The following CNTN5 variants were observed in gnomAD, a reference collection of about 807,000 sequenced individuals.
CNTN5 encodes the protein contactin-5.
A neutral mutation model predicts 129.1 loss-of-function variants in CNTN5; 77 were observed. The observed-to-expected ratio is 0.60, with a 90% CI of 0.50 to 0.72. The LOEUF is 0.72. Among genes scored for constraint, CNTN5 ranks in the 30% least tolerant of loss-of-function variants. The probability of loss-of-function intolerance (pLI) is 0.00; values close to 1 mark genes in which losing one functional copy is unlikely to be tolerated. For missense variants in CNTN5, 1,478 were observed against 1,328.8 expected (o/e 1.11, Z -1.75); for synonymous variants, 509 against 465.6 (o/e 1.09, Z -1.20).
At chr11:99,966,327 G>A (rs974564378) in intron 8 of CNTN5, among the ~76,000 whole-genome samples, 1 of 152,172 alleles carries the variant, frequency 6.6e-6, no homozygotes, top group Non-Finnish European at 1.5e-5. Flanking sequence ...AAAATTGCTT[G>A]TAGGTAGTTT....
At chr11:99,406,999 G>A (rs971190636) in intron 2 of CNTN5, among the ~76,000 whole-genome samples, 14 of 151,824 alleles carry the variant, frequency 9.2e-5, no homozygotes, top group African/African-American at 3.4e-4. Flanking sequence ...CAATAGCCAT[G>A]TCCTAGAATC....
intron 8 of CNTN5, among the ~76,000 whole-genome samples, chr11:99,983,025 C>T (rs1032247323): frequency 3.3e-5 from 5 of 152,094 alleles, no homozygotes; most frequent in African/African-American, 9.7e-5. Flanking sequence ...GTTAATAAAT[C>T]CATGATCAGT....
chr11:99,737,595 C>A (rs1943752962), intron 3 of CNTN5, among the ~76,000 whole-genome samples: 1 of 151,976 alleles, frequency 6.6e-6, no homozygotes, highest in Non-Finnish European at 1.5e-5. Context: ...AAAAAATAAT[C>A]CAAGCATATG....
intron 2 of CNTN5, among the ~76,000 whole-genome samples, chr11:99,460,099 G>A (rs1944638168): frequency 6.6e-6 from 1 of 151,884 alleles, no homozygotes. Context: ...CTTAAAAATA[G>A]ATGGAATGCG....
intron 1 of CNTN5, among the ~76,000 whole-genome samples, chr11:99,125,400 A>G (rs755570475): frequency 4.5e-4 from 68 of 152,016 alleles, no homozygotes; most frequent in Non-Finnish European, 9.0e-4. Flanking sequence ...ATAAAATTTT[A>G]CATCCCTGCA....
At chr11:99,270,328 T>A (rs893091931) in intron 1 of CNTN5, among the ~76,000 whole-genome samples, 1 of 151,872 alleles carries the variant, frequency 6.6e-6, no homozygotes, top group African/African-American at 2.4e-5. Context: ...ATCTACACCA[T>A]CTTCAGTCCT....
At chr11:99,734,673 G>GT (rs961618416) in intron 3 of CNTN5, among the ~76,000 whole-genome samples, 1 of 151,320 alleles carries the variant, frequency 6.6e-6, no homozygotes, top group African/African-American at 2.4e-5. Context: ...CAAAGAGGGT[G>GT]TGTCCCTATT....
chr11:99,773,805 T>C (rs1217555475), intron 3 of CNTN5, among the ~76,000 whole-genome samples: 2 of 152,180 alleles, frequency 1.3e-5, no homozygotes, highest in African/African-American at 2.4e-5. Context: ...GAATTCAAGT[T>C]CATGAGCGTG....
At chr11:99,379,664 T>A (rs1429367013) in intron 2 of CNTN5, among the ~76,000 whole-genome samples, 5 of 152,160 alleles carry the variant, frequency 3.3e-5, no homozygotes, top group Non-Finnish European at 7.4e-5. Flanking sequence ...TAGAAAAAAA[T>A]ATGTGTATTG....
At chr11:99,726,304 A>T (rs190346271) in intron 3 of CNTN5, among the ~76,000 whole-genome samples, 2 of 152,336 alleles carry the variant, frequency 1.3e-5, no homozygotes, top group South Asian at 2.1e-4. Context: ...CAGAGTAAAA[A>T]GCAATTAATA....
At chr11:99,945,560 C>T (rs1950537620) in intron 7 of CNTN5, among the ~76,000 whole-genome samples, 1 of 150,978 alleles carries the variant, frequency 6.6e-6, no homozygotes, top group Admixed American at 6.6e-5. Context: ...TGAGCACTTA[C>T]TATATACCTG....
intron 3 of CNTN5, among the ~76,000 whole-genome samples, chr11:99,702,668 A>G (rs1954575041): frequency 6.6e-6 from 1 of 150,948 alleles, no homozygotes; most frequent in South Asian, 2.1e-4. Context: ...AGCACTACTT[A>G]TCAATATTTT....
chr11:99,115,105 C>T (rs1313376446), intron 1 of CNTN5, among the ~76,000 whole-genome samples: 1 of 152,138 alleles, frequency 6.6e-6, no homozygotes, highest in African/African-American at 2.4e-5. Context: ...TTAGATTGGA[C>T]TTCTCAGCCT....
Position 99,450,107 on chromosome 11 carries a change from G to A in CNTN5, c.-70-106038G>A, listed in dbSNP as rs889995881. Among the ~76,000 whole-genome samples, 9 of 152,156 alleles carry A rather than the reference G, an allele frequency of 5.9e-5. No homozygotes were observed. In the South Asian group the frequency reaches 1.9e-3, roughly 32 times the overall value. On this transcript the variant is annotated intron_variant, in intron 2 of 24. Coordinates refer to ENST00000524871, the MANE Select transcript of CNTN5 (RefSeq NM_014361.4). ...AGTTACAAAGGCTAAAACACTTTTA[G>A]TGTTATTCCCCAGTGTTTGGGGAAA...
At chr11:99,389,814 G>T (rs1286247763) in intron 2 of CNTN5, among the ~76,000 whole-genome samples, 2 of 152,184 alleles carry the variant, frequency 1.3e-5, no homozygotes, top group South Asian at 2.1e-4. Context: ...AACTTATGGT[G>T]AAGGGTTTCA....
At chr11:100,277,710 G>T (rs1950545362) in intron 18 of CNTN5, among the ~76,000 whole-genome samples, 1 of 151,624 alleles carries the variant, frequency 6.6e-6, no homozygotes, top group African/African-American at 2.4e-5. Context: ...TATATATTCT[G>T]TTTATCAATC....
chr11:99,389,307 C>T (rs1460194656), intron 2 of CNTN5, among the ~76,000 whole-genome samples: 5 of 151,956 alleles, frequency 3.3e-5, no homozygotes, highest in Non-Finnish European at 1.5e-5. Context: ...GGATTGCAGA[C>T]GTGAGCCACC....
intron 3 of CNTN5, among the ~76,000 whole-genome samples, chr11:99,629,887 A>G (rs964158773): frequency 2.6e-5 from 4 of 151,776 alleles, no homozygotes; most frequent in African/African-American, 9.7e-5. Context: ...CTTGATATAA[A>G]ATATTTGATA....
At chr11:99,721,400 T>C (rs913218505) in intron 3 of CNTN5, among the ~76,000 whole-genome samples, 3 of 152,122 alleles carry the variant, frequency 2.0e-5, no homozygotes, top group African/African-American at 7.2e-5. Context: ...CCCTATTGAA[T>C]AAATGGTGCT....
Sources: allele counts gnomAD v4.1 joint callset (sites outside exome capture counted in the v4.1 genomes callset), GRCh38; gene constraint gnomAD v4.1.1; transcripts MANE v1.5; gene names NCBI Gene and HGNC (gene_info 2026-07-23, HGNC 2026-07-21).